Variants in RORA observed in about 807,000 individuals in gnomAD.
RORA encodes nuclear receptor ROR-alpha.
Under a neutral mutation model 69.5 loss-of-function variants are expected in RORA, and 7 were observed. The ratio of observed to expected loss-of-function variants is 0.10; its 90% confidence interval spans 0.06 to 0.19. The LOEUF (loss-of-function observed/expected upper bound fraction) is 0.19, where lower values mean the gene tolerates loss of function less well. RORA is among the 10% of genes least tolerant of loss of function. RORA has a pLI of 1.00. For synonymous variants in RORA, 261 were observed against 240.8 expected (o/e 1.08, Z -0.78); for missense variants, 457 against 663.0 (o/e 0.69, Z 3.41).
chr15:60,778,406 C>T (rs541367135), intron 1 of RORA, among the ~76,000 whole-genome samples: 1 of 152,214 alleles, frequency 6.6e-6, no homozygotes, highest in South Asian at 2.1e-4. Flanking sequence ...GTGCCCTCTG[C>T]CATGCATTAC....
intron 1 of RORA, among the ~76,000 whole-genome samples, chr15:60,707,113 C>T (rs569980478): frequency 1.3e-5 from 2 of 152,094 alleles, no homozygotes; most frequent in Non-Finnish European, 2.9e-5. Flanking sequence ...TCCGATGGCC[C>T]TCAATTGGCC....
At chr15:60,883,161 A>C (rs2073710097) in intron 1 of RORA, among the ~76,000 whole-genome samples, 2 of 85,460 alleles carry the variant, frequency 2.3e-5, no homozygotes, top group South Asian at 7.6e-4. Context: ...AGAAAGAGAG[A>C]GAGAGAGAGA....
intron 1 of RORA, among the ~76,000 whole-genome samples, chr15:60,921,437 G>C (rs1380394518): frequency 6.6e-6 from 1 of 152,176 alleles, no homozygotes; most frequent in Non-Finnish European, 1.5e-5. Flanking sequence ...AGAGTACATA[G>C]CACATGATTC....
chr15:60,863,520 G>A (rs573227561), intron 1 of RORA, among the ~76,000 whole-genome samples: 1 of 152,170 alleles, frequency 6.6e-6, no homozygotes, highest in African/African-American at 2.4e-5. Context: ...TCTGGCCTAC[G>A]AAAAGCTGTA....
At chr15:60,513,202 C>CT (rs2065760346) in intron 4 of RORA, among the ~76,000 whole-genome samples, 1 of 152,220 alleles carries the variant, frequency 6.6e-6, no homozygotes. Flanking sequence ...AGATAAGAAA[C>CT]TTGGGTGGGG....
Position 60,834,726 on chromosome 15 carries a change from G to A in RORA, c.167-156040C>T, listed in dbSNP as rs2073092671. ...GGACCTACTTCCATCCCCCGATGAGGGGCTGCGCATTTGTTGAGGGGAAGT... is the reference window on the plus strand; with the variant it reads ...GGACCTACTTCCATCCCCCGATGAGAGGCTGCGCATTTGTTGAGGGGAAGT... On this transcript the variant is annotated intron_variant, in intron 1 of 10. Transcript: ENST00000335670. 2.6e-5 allele frequency among the ~76,000 whole-genome samples: 4 copies of A among 152,170 alleles called. No individual in the cohort carries two copies. In the South Asian group the frequency reaches 8.3e-4, roughly 32 times the overall value.
Position 60,742,557 on chromosome 15 carries a change from C to T in RORA, c.167-63871G>A, listed in dbSNP as rs147340678. Among the ~76,000 whole-genome samples, 25 of 152,268 alleles carry T rather than the reference C, an allele frequency of 1.6e-4. No homozygotes were observed. In the East Asian group the frequency reaches 3.1e-3, roughly 19 times the overall value. The stretch of plus-strand genomic sequence containing the variant: ...TTATTATTATTAATTGTGGTCACTA[C>T]GATGTTCAATAGATCTCTTGAACTT... On this transcript the variant is annotated intron_variant, in intron 1 of 10. Coordinates refer to ENST00000335670, the MANE Select transcript of RORA (RefSeq NM_134261.3).
rs1411295233 is a variant in RORA, at chr15:60,531,642, C to G, written c.282+124G>C. 6.6e-6 allele frequency: 4 copies of G among 604,562 alleles called. No individual in the cohort carries two copies. Among genetic ancestry groups the G allele is most frequent in the Non-Finnish European group, 1.2e-5 (4 of 345,688 alleles). The allele number at this position is 604,562 out of a possible 1,614,324, so 37.4% of individuals were successfully genotyped here. On this transcript the variant is annotated intron_variant, in intron 3 of 10. Coordinates refer to ENST00000335670, the MANE Select transcript of RORA (RefSeq NM_134261.3). This position sits in a 1 kb window ranked among gnomAD's most constrained non-coding sequence, Gnocchi z 4.8. Reference sequence around the variant, plus strand: ...TTAACACCAAAATATTTCTTCTATCCTGTAATTTCTTATCATTCAAAATTC... The same window carrying G: ...TTAACACCAAAATATTTCTTCTATCGTGTAATTTCTTATCATTCAAAATTC...
At chr15:60,883,832 G>A (rs1475776154) in intron 1 of RORA, among the ~76,000 whole-genome samples, 1 of 152,160 alleles carries the variant, frequency 6.6e-6, no homozygotes, top group Non-Finnish European at 1.5e-5. Context: ...TTGAGTACTT[G>A]GAAAGCCCAT....
chr15:60,722,019 T>G (rs1230315053), intron 1 of RORA, among the ~76,000 whole-genome samples: 1 of 152,342 alleles, frequency 6.6e-6, no homozygotes, highest in South Asian at 2.1e-4. Context: ...TGTCACAGAT[T>G]TAGCCCAGCC....
At chr15:61,207,173 C>G (rs1027185039) in intron 1 of RORA, among the ~76,000 whole-genome samples, 1 of 152,072 alleles carries the variant, frequency 6.6e-6, no homozygotes, top group African/African-American at 2.4e-5. Context: ...CACACACATA[C>G]TACTTGTTGG....
intron 2 of RORA, among the ~76,000 whole-genome samples, chr15:60,630,276 G>A (rs1294749766): frequency 6.6e-6 from 1 of 152,210 alleles, no homozygotes; most frequent in East Asian, 1.9e-4. Context: ...GTTTTATACA[G>A]ATTCTGTCTA....
chr15:60,517,788 G>C (rs1303920716), intron 3 of RORA, among the ~76,000 whole-genome samples: 2 of 152,294 alleles, frequency 1.3e-5, no homozygotes, highest in Middle Eastern at 3.4e-3. Flanking sequence ...AGCTGAAGTT[G>C]AGTTTTGTTT....
At chr15:60,643,157 C>G (rs2069975131) in intron 2 of RORA, among the ~76,000 whole-genome samples, 1 of 152,168 alleles carries the variant, frequency 6.6e-6, no homozygotes, top group Non-Finnish European at 1.5e-5. Flanking sequence ...GAAACTTGGT[C>G]TCAAAACAAA....
At chr15:61,066,004 A>T (rs1357316569) in intron 1 of RORA, among the ~76,000 whole-genome samples, 1 of 152,106 alleles carries the variant, frequency 6.6e-6, no homozygotes, top group Non-Finnish European at 1.5e-5. Flanking sequence ...TCCCATGCTC[A>T]ATTTTCCTCT....
intron 1 of RORA, among the ~76,000 whole-genome samples, chr15:61,151,760 T>A (rs1371920025): frequency 1.3e-5 from 2 of 152,224 alleles, no homozygotes; most frequent in Non-Finnish European, 1.5e-5. Context: ...ACGAAGCTTA[T>A]CAAGCATGTA....
intron 1 of RORA, among the ~76,000 whole-genome samples, chr15:60,699,259 A>G (rs1480113719): frequency 6.6e-6 from 1 of 152,122 alleles, no homozygotes; most frequent in Non-Finnish European, 1.5e-5. Context: ...GCAAAAATAT[A>G]TTCACCTATA....
chr15:60,812,228 G>T (rs913317777), intron 1 of RORA, among the ~76,000 whole-genome samples: 3 of 152,166 alleles, frequency 2.0e-5, no homozygotes, highest in Non-Finnish European at 2.9e-5. Flanking sequence ...TGAAAGCAAG[G>T]TGCGGTGCCT....
chr15:60,768,089 G>A (rs771505822), intron 1 of RORA, among the ~76,000 whole-genome samples: 6 of 152,196 alleles, frequency 3.9e-5, no homozygotes, highest in Non-Finnish European at 7.3e-5. Flanking sequence ...AATTGGAAGG[G>A]TCAACAGTAA....
Sources: allele counts gnomAD v4.1 joint callset (sites outside exome capture counted in the v4.1 genomes callset), GRCh38; gene constraint gnomAD v4.1.1; non-coding constraint Gnocchi (gnomAD v3.1); transcripts MANE v1.5; gene names NCBI Gene and HGNC (gene_info 2026-07-23, HGNC 2026-07-21).